The following MYO16 variants were observed in gnomAD, a reference collection of about 807,000 sequenced individuals.
MYO16 encodes the protein myosin XVI.
MYO16 carries 94 observed loss-of-function variants against 205.3 expected under a neutral mutation model. That is an observed-to-expected ratio of 0.46 (90% CI 0.39 to 0.54). The LOEUF (loss-of-function observed/expected upper bound fraction) is 0.54, where lower values mean the gene tolerates loss of function less well. Among genes scored for constraint, MYO16 ranks in the 20% least tolerant of loss-of-function variants. The pLI, the probability that MYO16 is intolerant of heterozygous loss-of-function variation, is 0.00. For missense variants in MYO16, 2,315 were observed against 2,387.5 expected (o/e 0.97, Z 0.63); for synonymous variants, 988 against 954.0 (o/e 1.04, Z -0.66).
At chr13:108,815,747 C>A (rs1237656110) in intron 7 of MYO16, among the ~76,000 whole-genome samples, 1 of 152,128 alleles carries the variant, frequency 6.6e-6, no homozygotes, top group Non-Finnish European at 1.5e-5. Flanking sequence ...ACAATCCCAA[C>A]CTAAAGCCTG....
chr13:108,825,578 A>AAAATAAAT (rs148579255), intron 9 of MYO16, among the ~76,000 whole-genome samples: 18,760 of 148,690 alleles, frequency 0.13, 1,320 homozygotes, highest in East Asian at 0.31. Context: ...ACCTAGCAAG[A>AAAATAAAT]AAATAAATAA....
chr13:108,929,046 TCA>T (rs1325260960), intron 16 of MYO16, among the ~76,000 whole-genome samples: 1 of 152,136 alleles, frequency 6.6e-6, no homozygotes, highest in African/African-American at 2.4e-5. Context: ...AAAGGTATAG[TCA>T]CATATACAGT....
At chr13:108,649,917 A>T (rs1201276435) in intron 1 of MYO16, among the ~76,000 whole-genome samples, 1 of 152,218 alleles carries the variant, frequency 6.6e-6, no homozygotes, top group Non-Finnish European at 1.5e-5. Flanking sequence ...AATGAAAATC[A>T]TGAAAAACTA....
chr13:109,201,722 C>A (rs976637262), intron 34 of MYO16, among the ~76,000 whole-genome samples: 3 of 151,904 alleles, frequency 2.0e-5, no homozygotes, highest in African/African-American at 4.8e-5. Flanking sequence ...TACACTGAAC[C>A]CAATTTGTAG....
At chr13:108,662,962 C>T (rs1926539) in intron 1 of MYO16, among the ~76,000 whole-genome samples, 98,468 of 151,978 alleles carry the variant, frequency 0.65, 33,225 homozygotes, top group African/African-American at 0.82. Context: ...TTTGCTCAGC[C>T]CTCTAACTTG....
At chr13:108,987,869 T>C (rs1405181841) in intron 20 of MYO16, among the ~76,000 whole-genome samples, 1 of 152,234 alleles carries the variant, frequency 6.6e-6, no homozygotes, top group African/African-American at 2.4e-5. Context: ...TGTTCTAAGA[T>C]AGGCATTCTC....
chr13:108,962,343 T>G, intron 18 of MYO16, 81 bp from the exon 19 acceptor site: 1 of 1,102,238 alleles, frequency 9.1e-7, no homozygotes. Context: ...ATAAAACTTA[T>G]CAATTATGGC....
At chr13:108,785,383 G>A (rs34943408) in intron 4 of MYO16, among the ~76,000 whole-genome samples, 12,006 of 152,252 alleles carry the variant, frequency 0.079, 613 homozygotes, top group Non-Finnish European at 0.12. Context: ...TTTAGCAAAG[G>A]GGTGAGGAGA....
chr13:108,774,088 C>G (rs1426931870), intron 4 of MYO16, among the ~76,000 whole-genome samples: 1 of 150,832 alleles, frequency 6.6e-6, no homozygotes, highest in East Asian at 1.9e-4. Context: ...GAGACTCTGT[C>G]TCAAAAATGA....
intron 16 of MYO16, among the ~76,000 whole-genome samples, chr13:108,945,305 A>G (rs1376451167): frequency 6.6e-6 from 1 of 152,144 alleles, no homozygotes; most frequent in Non-Finnish European, 1.5e-5. Flanking sequence ...TTTCTGGAAA[A>G]TTTCTTTAAT....
intron 34 of MYO16, among the ~76,000 whole-genome samples, chr13:109,202,972 G>A (rs1184254218): frequency 6.6e-6 from 1 of 152,200 alleles, no homozygotes; most frequent in African/African-American, 2.4e-5. Context: ...AACAAATGGT[G>A]CTTGGATAAC....
chr13:108,684,437 G>T (rs958036564), intron 2 of MYO16, among the ~76,000 whole-genome samples: 1 of 152,168 alleles, frequency 6.6e-6, no homozygotes, highest in African/African-American at 2.4e-5. Flanking sequence ...GATAGAACAA[G>T]ATATATATCT....
At chr13:108,850,013 G>A (rs1594342659) in intron 10 of MYO16, among the ~76,000 whole-genome samples, 1 of 147,318 alleles carries the variant, frequency 6.8e-6, no homozygotes, top group African/African-American at 2.5e-5. Context: ...TGCCTAGACT[G>A]CCTTCCTCCA....
Position 108,629,791 on chromosome 13 carries a change from G to A in MYO16, c.-54G>A, listed in dbSNP as rs1335570820. 2.3e-5 allele frequency: 35 copies of A among 1,498,984 alleles called. No individual in the cohort carries two copies. The highest frequency in any genetic ancestry group is 3.0e-5 in the Non-Finnish European group (33 of 1,115,746). The allele number at this position is 1,498,984 out of a possible 1,614,324, so 92.9% of individuals were successfully genotyped here. On this transcript the variant is annotated 5_prime_UTR_variant, in exon 1 of 35. It adds an upstream start codon to the 5' untranslated region. Transcript: ENST00000457511. ...AATGCATTTCCTGGGAACGACAGTT[G>A]TGACAGAAGAGAATGCTGGAACCCG... is the stretch of plus-strand genomic sequence containing the variant.
the MYO16 span, among the ~76,000 whole-genome samples, chr13:108,496,681 C>G: frequency 1.4e-4 from 22 of 152,236 alleles, no homozygotes; most frequent in African/African-American, 5.3e-4. Context: ...GTCAAGTTCT[C>G]TTAGTATTTC....
At chr13:108,936,220 G>T (rs142336636) in intron 16 of MYO16, among the ~76,000 whole-genome samples, 1,635 of 148,524 alleles carry the variant, frequency 0.011, 9 homozygotes, top group Non-Finnish European at 0.018. Context: ...TGTTATCAGG[G>T]TGCTGCTGAC....
chr13:109,178,511 G>A (rs1879318760), intron 33 of MYO16, among the ~76,000 whole-genome samples: 1 of 152,242 alleles, frequency 6.6e-6, no homozygotes, highest in Non-Finnish European at 1.5e-5. Flanking sequence ...TCAATTACCT[G>A]TGCTAGTTAA....
At chr13:108,790,317 G>A (rs1886580190) in intron 5 of MYO16, among the ~76,000 whole-genome samples, 1 of 152,150 alleles carries the variant, frequency 6.6e-6, no homozygotes, top group African/African-American at 2.4e-5. Context: ...CGTAATTTCA[G>A]TTTTGCCCAA....
the MYO16 span, among the ~76,000 whole-genome samples, chr13:108,566,256 G>T: frequency 2.0e-5 from 3 of 152,030 alleles, no homozygotes; most frequent in Non-Finnish European, 1.5e-5. Flanking sequence ...AATATTGGTA[G>T]ATTGTATGTA....
Sources: gnomAD v4.1 joint callset for allele counts (sites outside exome capture counted in the v4.1 genomes callset) on GRCh38, gnomAD v4.1.1 for gene constraint, MANE v1.5 for transcripts, NCBI Gene and HGNC (gene_info 2026-07-23, HGNC 2026-07-21) for gene names.